The following PXDNL variants were observed in gnomAD, a reference collection of about 807,000 sequenced individuals.
PXDNL encodes probable oxidoreductase PXDNL.
In PXDNL, 145 loss-of-function variants were observed where a neutral mutation model predicts 150.8. The observed-to-expected ratio is 0.96, with a 90% CI of 0.84 to 1.10. PXDNL has a LOEUF of 1.10. Ranked by LOEUF, PXDNL falls within the 50% of genes least tolerant of loss-of-function variation. The pLI is 0.00. For missense variants in PXDNL, 2,087 were observed against 1,873.9 expected (o/e 1.11, Z -2.10); for synonymous variants, 757 against 725.7 (o/e 1.04, Z -0.69).
chr8:51,762,489 T>A (rs933181184), intron 1 of PXDNL, among the ~76,000 whole-genome samples: 1 of 152,198 alleles, frequency 6.6e-6, no homozygotes, highest in African/African-American at 2.4e-5. Context: ...GAGCTTCCTC[T>A]GCACAATAAA....
intron 14 of PXDNL, among the ~76,000 whole-genome samples, chr8:51,419,323 A>G (rs1191657348): frequency 1.3e-5 from 2 of 152,202 alleles, no homozygotes; most frequent in Non-Finnish European, 2.9e-5. Context: ...TATTAGTTCA[A>G]TGTCTCAATG....
chr8:51,559,336 C>G (rs5002672), intron 3 of PXDNL, among the ~76,000 whole-genome samples: 3 of 135,222 alleles, frequency 2.2e-5, no homozygotes, highest in Admixed American at 1.5e-4. Context: ...CCAAACCCCC[C>G]CCCCCCCCGC....
chr8:51,499,569 T>A, intron 5 of PXDNL, 130 bp downstream of exon 5: 1 of 634,008 alleles, frequency 1.6e-6, no homozygotes, highest in Non-Finnish European at 2.8e-6. Context: ...CTCTGTTTTG[T>A]AGTGCCAAGG....
At chr8:51,728,691 A>C (rs4549760) in intron 1 of PXDNL, among the ~76,000 whole-genome samples, 1 of 152,180 alleles carries the variant, frequency 6.6e-6, no homozygotes, top group Admixed American at 6.5e-5. Context: ...TTTAAGCTGA[A>C]TGTTATTATA....
chr8:51,547,279 A>T (rs1812381202), intron 4 of PXDNL, among the ~76,000 whole-genome samples: 2 of 152,150 alleles, frequency 1.3e-5, no homozygotes, highest in African/African-American at 4.8e-5. Context: ...CCCTGCTCCA[A>T]AGAAGGAGCA....
intron 1 of PXDNL, among the ~76,000 whole-genome samples, chr8:51,672,588 A>G (rs1815519581): frequency 6.6e-6 from 1 of 152,176 alleles, no homozygotes; most frequent in Non-Finnish European, 1.5e-5. Context: ...TATTACAGTC[A>G]TACTCTAAGT....
intron 1 of PXDNL, among the ~76,000 whole-genome samples, chr8:51,773,219 C>T (rs1157029516): frequency 6.6e-6 from 1 of 152,152 alleles, no homozygotes; most frequent in African/African-American, 2.4e-5. Context: ...ATCCTCATGA[C>T]AAACAAGGAG....
At chr8:51,562,778 A>G (rs1254349112) in intron 3 of PXDNL, among the ~76,000 whole-genome samples, 1 of 152,014 alleles carries the variant, frequency 6.6e-6, no homozygotes, top group Non-Finnish European at 1.5e-5. Context: ...CTAACCTACC[A>G]TGGGACCATA....
At chr8:51,703,985 G>A (rs1467423103) in intron 1 of PXDNL, among the ~76,000 whole-genome samples, 1 of 151,992 alleles carries the variant, frequency 6.6e-6, no homozygotes, top group Non-Finnish European at 1.5e-5. Flanking sequence ...TTCCGACTTG[G>A]CAAATCCCAA....
intron 1 of PXDNL, among the ~76,000 whole-genome samples, chr8:51,759,601 A>G (rs2037139807): frequency 6.6e-6 from 1 of 152,238 alleles, no homozygotes; most frequent in South Asian, 2.1e-4. Context: ...TGACTGATGG[A>G]TTAGTTCTCC....
chr8:51,769,868 T>C (rs2037273048), intron 1 of PXDNL, among the ~76,000 whole-genome samples: 1 of 152,206 alleles, frequency 6.6e-6, no homozygotes, highest in Non-Finnish European at 1.5e-5. Flanking sequence ...TCCAGGAACT[T>C]GGAGTCAGCT....
chr8:51,334,115 G>GATTGATATGAAATCAAT (rs1269408392), intron 21 of PXDNL, among the ~76,000 whole-genome samples: 33,013 of 151,048 alleles, frequency 0.22, 3,797 homozygotes, highest in Middle Eastern at 0.3. Context: ...ATCATATCAA[G>GATTGATATGAAATCAAT]CATTCTCGCA....
chr8:51,665,065 G>C (rs537430498), intron 1 of PXDNL, among the ~76,000 whole-genome samples: 2 of 152,194 alleles, frequency 1.3e-5, no homozygotes, highest in African/African-American at 4.8e-5. Flanking sequence ...CCATCTGCTC[G>C]GGTGCCTCTT....
chr8:51,541,576 TGTCC>T (rs1812218648), intron 4 of PXDNL, among the ~76,000 whole-genome samples: 1 of 152,186 alleles, frequency 6.6e-6, no homozygotes, highest in African/African-American at 2.4e-5. Flanking sequence ...TGCAGATCAT[TGTCC>T]GGCCAAAGAT....
chr8:51,548,323 T>G (rs957723096), intron 4 of PXDNL, among the ~76,000 whole-genome samples: 7 of 152,038 alleles, frequency 4.6e-5, no homozygotes, highest in Non-Finnish European at 7.4e-5. Context: ...GACATCCAAA[T>G]ACAAGAGGCT....
chr8:51,567,361 G>A (rs952089458), intron 3 of PXDNL, among the ~76,000 whole-genome samples: 1 of 151,800 alleles, frequency 6.6e-6, no homozygotes, highest in Non-Finnish European at 1.5e-5. Flanking sequence ...ATTGCTGATA[G>A]AGGCATGTTG....
intron 5 of PXDNL, among the ~76,000 whole-genome samples, chr8:51,494,539 C>G (rs1810993682): frequency 6.6e-6 from 1 of 152,146 alleles, no homozygotes; most frequent in Admixed American, 6.6e-5. Context: ...AAACCCATCT[C>G]ACGTGCAGAG....
chr8:51,447,689 CCTT>C (rs1387547098), intron 11 of PXDNL, among the ~76,000 whole-genome samples: 1 of 152,138 alleles, frequency 6.6e-6, no homozygotes, highest in African/African-American at 2.4e-5. Flanking sequence ...GCCTCTGAAT[CCTT>C]CTTAACACTT....
At chr8:51,512,336 G>C (rs1331431537) in intron 4 of PXDNL, among the ~76,000 whole-genome samples, 1 of 152,186 alleles carries the variant, frequency 6.6e-6, no homozygotes, top group East Asian at 1.9e-4. Context: ...GACACGGATG[G>C]TGGGATTTCT....
Sources: gnomAD v4.1 joint callset for allele counts (sites outside exome capture counted in the v4.1 genomes callset) on GRCh38, gnomAD v4.1.1 for gene constraint, MANE v1.5 for transcripts, NCBI Gene and HGNC (gene_info 2026-07-23, HGNC 2026-07-21) for gene names.